Variants in DNAH11 observed in about 807,000 individuals in gnomAD.
DNAH11 encodes axonemal beta dynein heavy chain 11.
In DNAH11, 442 loss-of-function variants were observed where a neutral mutation model predicts 526.0. The observed-to-expected ratio is 0.84, with a 90% CI of 0.78 to 0.91. DNAH11 has a LOEUF of 0.91. Among genes scored for constraint, DNAH11 ranks in the 40% least tolerant of loss-of-function variants. The pLI is 0.00. For missense variants in DNAH11, 6,989 were observed against 5,448.7 expected, an observed-to-expected ratio of 1.28 and a Z score of -8.90; for synonymous variants, 2,461 against 1,935.9, an observed-to-expected ratio of 1.27 and a Z score of -7.12.
chr7:21,563,328 C>T (rs1313394734), intron 5 of DNAH11, among the ~76,000 whole-genome samples: 1 of 152,002 alleles, frequency 6.6e-6, no homozygotes, highest in African/African-American at 2.4e-5. Context: ...TCCACCTCAG[C>T]CTCCTGAGGA....
intron 76 of DNAH11, among the ~76,000 whole-genome samples, chr7:21,887,826 A>G (rs977567273): frequency 6.6e-6 from 1 of 152,180 alleles, no homozygotes; most frequent in Admixed American, 6.5e-5. Flanking sequence ...TGGAAGAGTA[A>G]GTATTATTCC....
At chr7:21,872,615 A>G (rs1294399710) in intron 73 of DNAH11, among the ~76,000 whole-genome samples, 1 of 152,178 alleles carries the variant, frequency 6.6e-6, no homozygotes, top group Non-Finnish European at 1.5e-5. Flanking sequence ...TGGAAGAGCA[A>G]ATTTGTGAAT....
chr7:21,730,492 A>G (rs897905994), intron 45 of DNAH11, among the ~76,000 whole-genome samples: 1 of 152,238 alleles, frequency 6.6e-6, no homozygotes, highest in Non-Finnish European at 1.5e-5. Context: ...CAGATAAGGG[A>G]TATTCAACTT....
intron 42 of DNAH11, among the ~76,000 whole-genome samples, chr7:21,717,121 T>C (rs2190427): frequency 0.53 from 80,082 of 151,854 alleles, 21,113 homozygotes; most frequent in South Asian, 0.62. Context: ...AGTCATGCTT[T>C]GTTTTACTGA....
At chr7:21,811,288 C>CG (rs1491093447) in intron 63 of DNAH11, among the ~76,000 whole-genome samples, 3 of 141,216 alleles carry the variant, frequency 2.1e-5, no homozygotes, top group African/African-American at 8.2e-5. Context: ...CATGGTGAAA[C>CG]CCCCCCCCCT....
intron 30 of DNAH11, among the ~76,000 whole-genome samples, chr7:21,671,022 C>G (rs1408124821): frequency 6.6e-6 from 1 of 152,012 alleles, no homozygotes; most frequent in Non-Finnish European, 1.5e-5. Context: ...GGGTATACTC[C>G]TTAGAAGGAG....
At chr7:21,778,933 G>C (rs1162042552) in intron 56 of DNAH11, 25 bp from the exon 57 acceptor site, 1 of 1,609,564 alleles carries the variant, frequency 6.2e-7, no homozygotes, top group Non-Finnish European at 8.5e-7. Context: ...GGCCAGTGAC[G>C]TAAGAATAAT....
At chr7:21,868,688 G>C (rs977692737) in intron 72 of DNAH11, among the ~76,000 whole-genome samples, 176 bp from the exon 73 acceptor site, 1 of 152,202 alleles carries the variant, frequency 6.6e-6, no homozygotes, top group South Asian at 2.1e-4. Context: ...TGAGGCAGCT[G>C]TGGAGAGCTC....
At chr7:21,837,636 A>G (rs996272887) in intron 65 of DNAH11, among the ~76,000 whole-genome samples, 2 of 152,180 alleles carry the variant, frequency 1.3e-5, no homozygotes, top group African/African-American at 4.8e-5. Context: ...GATCATTTTA[A>G]TAGATCATCG....
At chr7:21,797,712 A>G (rs1184322089) in intron 61 of DNAH11, among the ~76,000 whole-genome samples, 2 of 152,206 alleles carry the variant, frequency 1.3e-5, no homozygotes, top group African/African-American at 2.4e-5. Flanking sequence ...AATCCTGGCT[A>G]TTATACCAGG....
Position 21,880,913 on chromosome 7 carries a change from T to A in DNAH11, c.12387+20T>A, listed in dbSNP as rs116529653. ...TCTAAAGTAAGTGCTAGTGGTCAAA[T>A]AACCTCTTCCAAGGAGTTTACAAAG... On this transcript the variant is annotated intron_variant, in intron 75 of 81. Coordinates refer to ENST00000409508, the MANE Select transcript of DNAH11 (RefSeq NM_001277115.2). 2.4e-3 allele frequency: 3,814 copies of A among 1,577,946 alleles called. 85 individuals are homozygous for A. In the African/African-American group the frequency reaches 0.045, roughly 19 times the overall value.
At chr7:21,621,250 C>G (rs1232583668) in intron 25 of DNAH11, among the ~76,000 whole-genome samples, 3 of 152,110 alleles carry the variant, frequency 2.0e-5, no homozygotes, top group Non-Finnish European at 2.9e-5. Flanking sequence ...TCGACACATA[C>G]ACCCTCCCAA....
At chr7:21,848,652 ATATT>A (rs976296865) in intron 66 of DNAH11, among the ~76,000 whole-genome samples, 31 of 152,010 alleles carry the variant, frequency 2.0e-4, no homozygotes, top group African/African-American at 7.0e-4. Context: ...TATAGCTGTA[ATATT>A]TATATATTAC....
At position 21,610,810 on chromosome 7, in the gene DNAH11, G is replaced by A. The variant is rs556462440; in HGVS notation, c.3852+4077G>A. ...TACATTGGAGGAAATCACTTAGAACGCAGTCATAGGTGTAAGGAGATGGAA... is the reference window on the plus strand; with the variant it reads ...TACATTGGAGGAAATCACTTAGAACACAGTCATAGGTGTAAGGAGATGGAA... On this transcript the variant is annotated intron_variant, in intron 20 of 81. Transcript: ENST00000409508. 1.3e-4 allele frequency among the ~76,000 whole-genome samples: 20 copies of A among 152,292 alleles called. No individual in the cohort carries two copies. In the South Asian group the frequency reaches 3.5e-3, roughly 27 times the overall value.
intron 44 of DNAH11, among the ~76,000 whole-genome samples, chr7:21,723,233 C>G (rs955087213): frequency 2.6e-5 from 4 of 152,206 alleles, no homozygotes; most frequent in African/African-American, 9.6e-5. Flanking sequence ...TAGGGCACCT[C>G]ATTTACTCTT....
In DNAH11 at chr7:21,887,164, T is replaced by C. The variant is rs150437481; in HGVS notation, c.12507+2754T>C. On this transcript the variant is annotated intron_variant, in intron 76 of 81. Transcript: ENST00000409508. The stretch of plus-strand genomic sequence containing the variant: ...AGCAACCCATTCATGGTGTGGGGTT[T>C]AAAGTTCTGCTGCTCTTATCCAAAG... Among the ~76,000 whole-genome samples, 66 of 152,334 alleles carry C rather than the reference T, an allele frequency of 4.3e-4. No individual in the cohort carries two copies. In the East Asian group the frequency reaches 0.011, roughly 26 times the overall value.
chr7:21,571,776 G>A (rs746965973), intron 7 of DNAH11, 30 bp from the exon 8 acceptor site: 7 of 1,559,488 alleles, frequency 4.5e-6, no homozygotes, highest in Non-Finnish European at 2.6e-6. Flanking sequence ...TCAATGTAGT[G>A]GAAAGGTCTT....
intron 44 of DNAH11, among the ~76,000 whole-genome samples, chr7:21,721,245 C>G (rs1392702000): frequency 6.6e-6 from 1 of 152,176 alleles, no homozygotes; most frequent in Non-Finnish European, 1.5e-5. Context: ...TACATTCTTC[C>G]CGGTAGCTCC....
At chr7:21,852,030 G>A (rs1169560817) in intron 66 of DNAH11, among the ~76,000 whole-genome samples, 1 of 152,068 alleles carries the variant, frequency 6.6e-6, no homozygotes, top group Admixed American at 6.6e-5. Context: ...TAAAAATTGT[G>A]ATTGGTATGA....
Sources: gnomAD v4.1 joint callset for allele counts (sites outside exome capture counted in the v4.1 genomes callset) on GRCh38, gnomAD v4.1.1 for gene constraint, MANE v1.5 for transcripts, NCBI Gene and HGNC (gene_info 2026-07-23, HGNC 2026-07-21) for gene names.